Variants in SLC6A13 observed in about 807,000 individuals in gnomAD.
The protein encoded by SLC6A13 is sodium- and chloride-dependent GABA transporter 2.
A neutral mutation model predicts 72.9 loss-of-function variants in SLC6A13; 69 were observed. The observed-to-expected ratio is 0.95, with a 90% CI of 0.78 to 1.16. The LOEUF is 1.16. SLC6A13 is among the 50% of genes most tolerant of loss of function. The probability of loss-of-function intolerance (pLI) is 0.00; values close to 1 mark genes in which losing one functional copy is unlikely to be tolerated. For missense variants in SLC6A13, 735 were observed against 760.5 expected, an observed-to-expected ratio of 0.97 and a Z score of 0.39; for synonymous variants, 303 against 303.0, an observed-to-expected ratio of 1.00 and a Z score of 0.00.
intron 2 of SLC6A13, chr12:258,871 G>C: frequency 1.0e-6 from 1 of 966,230 alleles, no homozygotes; most frequent in Non-Finnish European, 1.2e-6. Context: ...TTTAAAAAGA[G>C]AGCCTATACT....
Position 259,542 on chromosome 12 carries a change from C to A in SLC6A13, c.202+309G>T. On this transcript the variant is annotated intron_variant, in intron 2 of 14. Coordinates refer to ENST00000343164, the MANE Select transcript of SLC6A13 (RefSeq NM_016615.5). Reference sequence around the variant, plus strand: ...GGAGCGGCAATTGATGCTCTGAGAGCTTAAGTAACTTGTCCAAGATCACAC... The same window carrying A: ...GGAGCGGCAATTGATGCTCTGAGAGATTAAGTAACTTGTCCAAGATCACAC... 7.3e-7 allele frequency: 1 copy of A among 1,370,424 alleles called. No individual in the cohort carries two copies. The highest frequency in any genetic ancestry group is 9.4e-7 in the Non-Finnish European group (1 of 1,064,498). 84.9% of individuals were successfully genotyped at this position (1,370,424 alleles called of 1,614,324 possible). A position where few individuals can be genotyped will look rare whatever the true frequency, so the allele number is the denominator to read the frequency against.
chr12:261,935 A>G (rs4980872), intron 1 of SLC6A13, among the ~76,000 whole-genome samples: 12 of 81,922 alleles, frequency 1.5e-4, no homozygotes, highest in African/African-American at 2.5e-4. Flanking sequence ...CAAAAAAAAG[A>G]AAAAAAAAAA....
intron 2 of SLC6A13, among the ~76,000 whole-genome samples, chr12:257,767 C>T (rs896301565): frequency 6.6e-6 from 1 of 152,284 alleles, no homozygotes; most frequent in South Asian, 2.1e-4. Context: ...TCATCCCCCA[C>T]GTTCCAGTCA....
At chr12:230,712 T>C (rs1941675043) in intron 7 of SLC6A13, among the ~76,000 whole-genome samples, 1 of 152,162 alleles carries the variant, frequency 6.6e-6, no homozygotes. Flanking sequence ...CCCCACATGC[T>C]GGTTTTGTGA....
At chr12:251,159 A>AC (rs1942532742) in intron 2 of SLC6A13, among the ~76,000 whole-genome samples, 1 of 150,922 alleles carries the variant, frequency 6.6e-6, no homozygotes, top group Admixed American at 6.6e-5. Flanking sequence ...CTGTCTCAAA[A>AC]AAAAACAAAA....
At chr12:260,163 G>C (rs756986431) in intron 1 of SLC6A13, 106 bp from the exon 2 acceptor site, 33 of 1,238,164 alleles carry the variant, frequency 2.7e-5, no homozygotes, top group Non-Finnish European at 3.5e-5. Context: ...ACTGGAAGAG[G>C]TGAATTTCTA....
intron 7 of SLC6A13, among the ~76,000 whole-genome samples, chr12:231,001 T>A (rs963128491): frequency 6.6e-5 from 10 of 152,252 alleles, no homozygotes; most frequent in Non-Finnish European, 1.3e-4. Flanking sequence ...TAAACAAACC[T>A]TTCCTTAGAC....
intron 9 of SLC6A13, among the ~76,000 whole-genome samples, chr12:225,668 A>T (rs1312244297): frequency 6.6e-6 from 1 of 152,136 alleles, no homozygotes; most frequent in Non-Finnish European, 1.5e-5. Flanking sequence ...TAAAAAAAAA[A>T]AAAAAAAGAG....
chr12:227,544 A>G, intron 8 of SLC6A13, 21 bp downstream of exon 8: 1 of 1,613,248 alleles, frequency 6.2e-7, no homozygotes, highest in Non-Finnish European at 8.5e-7. Flanking sequence ...TGTGTGGCTC[A>G]GGCCCCACGC....
rs1053737766 is a variant in SLC6A13, at chr12:237,966, T to C, written c.523A>G (p.Thr175Ala). The C allele has an allele frequency of 2.4e-5, 38 of 1,613,880 alleles. No homozygotes were observed. The highest frequency in any genetic ancestry group is 3.0e-5 in the Non-Finnish European group (35 of 1,179,964). ...ACAGGAGAGGTGGCATTCTCAGAGG[T>C]ACCATTCAGGGAGCCGTTGGTCTTC... The part of the protein sequence containing the change: ...FQKTNGSLNG[T>A]SENATSPVIE... The change falls in exon 5 of 15, where the codon ACC becomes GCC. Residue 175 changes from threonine to alanine, a missense_variant. Physicochemically the swap from Thr to Ala is moderately conservative, Grantham distance 58. Transcript: ENST00000343164.
At chr12:234,450 T>C (rs1000067491) in intron 7 of SLC6A13, among the ~76,000 whole-genome samples, 7 of 152,240 alleles carry the variant, frequency 4.6e-5, no homozygotes, top group African/African-American at 1.7e-4. Flanking sequence ...GCCCTGCCTA[T>C]GGAGTAGCCA....
At chr12:242,100 T>A (rs994520773) in intron 4 of SLC6A13, among the ~76,000 whole-genome samples, 8 of 152,140 alleles carry the variant, frequency 5.3e-5, no homozygotes, top group African/African-American at 1.9e-4. Flanking sequence ...CAACAACGCG[T>A]TTCTCAGAGT....
At chr12:225,452 C>G in intron 9 of SLC6A13, among the ~76,000 whole-genome samples, 1 of 152,206 alleles carries the variant, frequency 6.6e-6, no homozygotes, top group East Asian at 1.9e-4. Context: ...AGGTTCAAGA[C>G]CAGCCTGGCC....
At position 241,072 on chromosome 12, in the gene SLC6A13, G is replaced by A. The variant is rs561012031; in HGVS notation, c.478+1542C>T. Among the ~76,000 whole-genome samples, 20 of 152,322 alleles carry A rather than the reference G, an allele frequency of 1.3e-4. No homozygotes were observed. The South Asian group carries it at 2.3e-3, about 17-fold the overall frequency. ...TGTAATCCCAGCGCTTTGGGAGGCCGAGGCAGGTGGATCACAAGGTCAGGA... is the reference window on the plus strand; with the variant it reads ...TGTAATCCCAGCGCTTTGGGAGGCCAAGGCAGGTGGATCACAAGGTCAGGA... On this transcript the variant is annotated intron_variant, in intron 4 of 14. Coordinates refer to ENST00000343164, the MANE Select transcript of SLC6A13 (RefSeq NM_016615.5).
chr12:232,847 G>C (rs1217839311), intron 7 of SLC6A13, among the ~76,000 whole-genome samples: 1 of 152,230 alleles, frequency 6.6e-6, no homozygotes, highest in African/African-American at 2.4e-5. Flanking sequence ...GCAGAGCTCA[G>C]GATGAAAGAA....
chr12:234,811 C>T (rs1941859895), intron 7 of SLC6A13, among the ~76,000 whole-genome samples: 1 of 152,224 alleles, frequency 6.6e-6, no homozygotes, highest in South Asian at 2.1e-4. Flanking sequence ...AGCCACTGTG[C>T]CTGGCCTCCT....
intron 2 of SLC6A13, among the ~76,000 whole-genome samples, chr12:251,106 A>G (rs1398460269): frequency 6.6e-6 from 1 of 151,648 alleles, no homozygotes; most frequent in African/African-American, 2.4e-5. Context: ...CAATGAGCTG[A>G]GATCGCGCCA....
intron 2 of SLC6A13, among the ~76,000 whole-genome samples, chr12:253,220 C>G (rs1414333767): frequency 6.6e-6 from 1 of 152,208 alleles, no homozygotes; most frequent in South Asian, 2.1e-4. Flanking sequence ...AAAAGGAGCA[C>G]GCTCTGTGGT....
chr12:241,962 ATACT>A (rs1459453903), intron 4 of SLC6A13, among the ~76,000 whole-genome samples: 6 of 152,198 alleles, frequency 3.9e-5, no homozygotes, highest in African/African-American at 7.2e-5. Flanking sequence ...AGATACACAA[ATACT>A]TACCATCGTG....
Sources: gnomAD v4.1 joint callset for allele counts (sites outside exome capture counted in the v4.1 genomes callset) on GRCh38, gnomAD v4.1.1 for gene constraint, MANE v1.5 for transcripts, NCBI Gene and HGNC (gene_info 2026-07-23, HGNC 2026-07-21) for gene names.